MDGA2: variants seen among roughly 807,000 people sequenced by gnomAD.
MDGA2 encodes the protein MAM domain containing glycosylphosphatidylinositol anchor 2.
A neutral mutation model predicts 117.8 loss-of-function variants in MDGA2; 40 were observed. That is an observed-to-expected ratio of 0.34 (90% CI 0.26 to 0.44). MDGA2 has a LOEUF of 0.44. Among genes scored for constraint, MDGA2 ranks in the 20% least tolerant of loss-of-function variants. The probability of loss-of-function intolerance (pLI) is 1.00; values close to 1 mark genes in which losing one functional copy is unlikely to be tolerated. For missense variants in MDGA2, 1,123 were observed against 1,250.6 expected (o/e 0.90, Z 1.54); for synonymous variants, 452 against 439.0 (o/e 1.03, Z -0.37).
At chr14:46,891,393 T>C (rs776896955) in intron 10 of MDGA2, among the ~76,000 whole-genome samples, 1 of 151,652 alleles carries the variant, frequency 6.6e-6, no homozygotes, top group Admixed American at 6.6e-5. Flanking sequence ...AATGTTCAAA[T>C]GAATCTTGTT....
chr14:46,947,602 G>C (rs556021539), intron 9 of MDGA2, among the ~76,000 whole-genome samples: 2 of 151,920 alleles, frequency 1.3e-5, no homozygotes, highest in African/African-American at 4.8e-5. Flanking sequence ...AGATCGGATG[G>C]TTTTAAAAAA....
At chr14:46,863,217 A>G (rs977401193) in intron 14 of MDGA2, among the ~76,000 whole-genome samples, 9 of 151,908 alleles carry the variant, frequency 5.9e-5, no homozygotes, top group African/African-American at 1.7e-4. Context: ...CTTCTCTTCC[A>G]TAGACACTTT....
rs565787031 is a variant in MDGA2, at chr14:47,201,926, G to A, written c.595+16095C>T. Reference sequence around the variant, plus strand: ...CCTATATGTAAAGCACTTGACACATGTACAGTACATATTAAATGCTATGAG... The same window carrying A: ...CCTATATGTAAAGCACTTGACACATATACAGTACATATTAAATGCTATGAG... On this transcript the variant is annotated intron_variant, in intron 3 of 16. Coordinates refer to ENST00000399232, the MANE Select transcript of MDGA2 (RefSeq NM_001113498.3). Among the ~76,000 whole-genome samples, 10 of 152,212 alleles carry A rather than the reference G, an allele frequency of 6.6e-5. No homozygotes were observed. In the East Asian group the frequency reaches 1.7e-3, roughly 26 times the overall value.
intron 2 of MDGA2, among the ~76,000 whole-genome samples, chr14:47,261,000 A>G (rs527533945): frequency 5.9e-5 from 9 of 152,098 alleles, no homozygotes; most frequent in Non-Finnish European, 1.0e-4. Flanking sequence ...CACTGAGTTA[A>G]TAATATGGAC....
At chr14:46,920,250 A>G (rs1196129556) in intron 9 of MDGA2, 90 bp from the exon 10 acceptor site, 1 of 1,195,850 alleles carries the variant, frequency 8.4e-7, no homozygotes, top group South Asian at 1.5e-5. Flanking sequence ...CATTTCTACT[A>G]TATTTTTCAT....
intron 2 of MDGA2, among the ~76,000 whole-genome samples, chr14:47,286,076 C>T (rs937274492): frequency 6.6e-6 from 1 of 151,654 alleles, no homozygotes; most frequent in African/African-American, 2.4e-5. Flanking sequence ...ATATATATAA[C>T]TTTTAATTCT....
rs187537829 is a variant in MDGA2, at chr14:47,173,015, G to A, written c.596-28741C>T. On this transcript the variant is annotated intron_variant, in intron 3 of 16. Transcript: ENST00000399232. ...TATGTGAAGAATGCAGAAGCCCCAG[G>A]AGCCGATGCGATCAACTGGAAGAAA... Among the ~76,000 whole-genome samples, 747 of 152,256 alleles carry A rather than the reference G, an allele frequency of 4.9e-3. 2 individuals carry two copies. Among genetic ancestry groups the A allele is most frequent in the African/African-American group, 0.017 (709 of 41,534 alleles).
intron 15 of MDGA2, among the ~76,000 whole-genome samples, chr14:46,852,541 CCTT>C (rs1881101961): frequency 1.3e-5 from 2 of 151,776 alleles, no homozygotes; most frequent in African/African-American, 2.4e-5. Flanking sequence ...AGAGAGTCCT[CCTT>C]GAGTATTCAG....
chr14:47,661,514 G>A (rs1897845105), intron 1 of MDGA2, among the ~76,000 whole-genome samples: 1 of 152,096 alleles, frequency 6.6e-6, no homozygotes, highest in African/African-American at 2.4e-5. Flanking sequence ...ATCCAGACAT[G>A]AATATAGATA....
intron 6 of MDGA2, among the ~76,000 whole-genome samples, chr14:47,081,337 T>G (rs1429726361): frequency 3.3e-5 from 5 of 152,116 alleles, no homozygotes; most frequent in African/African-American, 1.2e-4. Flanking sequence ...ATAAGATGTC[T>G]CTAAGTATCA....
chr14:47,200,694 T>C, intron 3 of MDGA2: 3 of 984,664 alleles, frequency 3.0e-6, no homozygotes, highest in Non-Finnish European at 1.6e-6. Context: ...TACTGGATCT[T>C]GGCCTTCTCC....
chr14:47,511,717 G>A (rs1472183384), intron 1 of MDGA2, among the ~76,000 whole-genome samples: 1 of 152,062 alleles, frequency 6.6e-6, no homozygotes, highest in Non-Finnish European at 1.5e-5. Flanking sequence ...ACCTAAGAGA[G>A]GAAAGGTAGC....
intron 1 of MDGA2, among the ~76,000 whole-genome samples, chr14:47,537,159 C>CAACT (rs1895229518): frequency 6.6e-6 from 1 of 151,818 alleles, no homozygotes; most frequent in African/African-American, 2.4e-5. Context: ...AACGTGCAAC[C>CAACT]GTTACAAATT....
At chr14:47,248,498 G>A (rs978019592) in intron 2 of MDGA2, among the ~76,000 whole-genome samples, 1 of 151,592 alleles carries the variant, frequency 6.6e-6, no homozygotes, top group African/African-American at 2.4e-5. Context: ...ACAGGGCAAA[G>A]CTAAATATAA....
chr14:47,097,117 G>A lies in MDGA2; in HGVS notation c.932C>T (p.Pro311Leu), dbSNP rs1416712900. The A allele has an allele frequency of 6.8e-6, 11 of 1,611,740 alleles. No individual in the cohort carries two copies. The highest frequency in any genetic ancestry group is 1.1e-5 in the South Asian group (1 of 90,994). The change falls in exon 6 of 17, where the codon CCG (proline) becomes CTG (leucine). Residue 311 changes from proline to leucine, a missense_variant. Pro to Leu is a moderately conservative substitution (Grantham distance 98). Coordinates refer to ENST00000399232, the MANE Select transcript of MDGA2 (RefSeq NM_001113498.3). The part of the protein sequence containing the change: ...SFRLSNKTAS[P>L]SIKLLVDDPI... The stretch of plus-strand genomic sequence containing the variant: ...ATCATCCACCAAGAGTTTAATTGAC[G>A]GTGATGCTAAAAGACATAAACAGAA...
At chr14:47,037,841 T>C (rs544525434) in intron 7 of MDGA2, among the ~76,000 whole-genome samples, 19 of 152,212 alleles carry the variant, frequency 1.2e-4, no homozygotes, top group Non-Finnish European at 2.5e-4. Context: ...TGGAGGGTTA[T>C]TACTTGAAAT....
intron 2 of MDGA2, among the ~76,000 whole-genome samples, chr14:47,284,820 G>A (rs1424545790): frequency 6.6e-6 from 1 of 152,114 alleles, no homozygotes. Context: ...GCATTACCCA[G>A]ATGATATATC....
At chr14:47,535,322 A>G (rs1166992869) in intron 1 of MDGA2, among the ~76,000 whole-genome samples, 1 of 152,222 alleles carries the variant, frequency 6.6e-6, no homozygotes, top group Non-Finnish European at 1.5e-5. Flanking sequence ...TCTCTTGGGC[A>G]TGCAGATGTA....
chr14:47,502,731 G>C (rs192670494), intron 1 of MDGA2, among the ~76,000 whole-genome samples: 8 of 152,214 alleles, frequency 5.3e-5, no homozygotes, highest in Admixed American at 4.6e-4. Flanking sequence ...TTGAAGTGCA[G>C]TGGCGTGATC....
Sources: allele counts gnomAD v4.1 joint callset (sites outside exome capture counted in the v4.1 genomes callset), GRCh38; gene constraint gnomAD v4.1.1; transcripts MANE v1.5; gene names NCBI Gene and HGNC (gene_info 2026-07-23, HGNC 2026-07-21).